Variants in MCM6 observed in about 807,000 individuals in gnomAD.
MCM6 encodes minichromosome maintenance complex component 6, also known as DNA replication licensing factor MCM6.
Under a neutral mutation model 94.3 loss-of-function variants are expected in MCM6, and 46 were observed. The ratio of observed to expected loss-of-function variants is 0.49; its 90% CI spans 0.39 to 0.62. The LOEUF (loss-of-function observed/expected upper bound fraction) is 0.62. MCM6 is among the 20% of genes least tolerant of loss of function. The pLI is 0.00. For missense variants in MCM6, 865 were observed against 1,017.9 expected (o/e 0.85, Z 2.04); for synonymous variants, 335 against 351.9 (o/e 0.95, Z 0.54).
At chr2:135,852,969 C>A in intron 11 of MCM6, 54 bp from the exon 12 acceptor site, 1 of 1,471,986 alleles carries the variant, frequency 6.8e-7, no homozygotes, top group South Asian at 1.3e-5. Context: ...CTTCTCCAGA[C>A]TATCCCAGGC....
intron 16 of MCM6, among the ~76,000 whole-genome samples, chr2:135,842,162 TCA>T (rs1679584956): frequency 6.6e-6 from 1 of 152,108 alleles, no homozygotes; most frequent in Non-Finnish European, 1.5e-5. Flanking sequence ...TCAGTTAGCT[TCA>T]CAGTGTGTTC....
rs1679541775 is a variant in MCM6, at chr2:135,840,131, A to G, written c.*704T>C. The stretch of plus-strand genomic sequence containing the variant: ...CTATTTCCCCTAAAAAAGCAATTTG[A>G]AAACAATCCTGAGAAATTACCCTTA... On this transcript the variant is annotated 3_prime_UTR_variant, in exon 17 of 17. Transcript: ENST00000264156. 6.6e-6 allele frequency: 1 copy of G among 152,158 alleles called. No individual in the cohort carries two copies. Among genetic ancestry groups the G allele is most frequent in the Non-Finnish European group, 1.5e-5 (1 of 68,042 alleles). 9.4% of individuals were successfully genotyped at this position (152,158 alleles called of 1,614,324 possible). A position where few individuals can be genotyped will look rare whatever the true frequency, so the allele number is the denominator to read the frequency against.
chr2:135,860,282 G>A (rs910861963), intron 8 of MCM6, among the ~76,000 whole-genome samples: 12 of 151,428 alleles, frequency 7.9e-5, no homozygotes, highest in Admixed American at 6.6e-4. Context: ...ACAGGCGCTC[G>A]CCACCACACC....
chr2:135,868,954 T>C, intron 3 of MCM6, 94 bp from the exon 4 acceptor site: 4 of 1,288,806 alleles, frequency 3.1e-6, no homozygotes, highest in Non-Finnish European at 4.3e-6. Flanking sequence ...TAATTTATGT[T>C]TAAAAAAAAA....
intron 8 of MCM6, among the ~76,000 whole-genome samples, chr2:135,859,759 C>CTAT (rs1553438610): frequency 6.6e-6 from 1 of 151,536 alleles, no homozygotes; most frequent in Non-Finnish European, 1.5e-5. Flanking sequence ...TGGGCCATCA[C>CTAT]GCCTGGCTAA....
chr2:135,871,833 C>T (rs892369465), intron 2 of MCM6, among the ~76,000 whole-genome samples: 1 of 152,204 alleles, frequency 6.6e-6, no homozygotes, highest in Admixed American at 6.5e-5. Context: ...TCCTGGAACT[C>T]TGTTGTAGCA....
At position 135,840,571 on chromosome 2, in the gene MCM6, A is replaced by C; in HGVS notation, c.*264T>G. On this transcript the variant is annotated 3_prime_UTR_variant, in exon 17 of 17. Coordinates refer to ENST00000264156, the MANE Select transcript of MCM6 (RefSeq NM_005915.6). ...TTTTCTTACACATGAAAACAAAGGT[A>C]TTGGTTATAGAGACTACACATTATT... The C allele has an allele frequency of 3.0e-6, 1 of 329,016 alleles. No individual in the cohort carries two copies. Among genetic ancestry groups the C allele is most frequent in the Non-Finnish European group, 5.6e-6 (1 of 178,794 alleles). The allele number at this position is 329,016 out of a possible 1,614,324, so 20.4% of individuals were successfully genotyped here. A position where few individuals can be genotyped will look rare whatever the true frequency, so the allele number is the denominator to read the frequency against.
intron 2 of MCM6, 117 bp downstream of exon 2, chr2:135,872,580 G>T: frequency 1.8e-6 from 2 of 1,085,628 alleles, no homozygotes; most frequent in Non-Finnish European, 2.7e-6. Flanking sequence ...CTTCTCAGTG[G>T]GAAATAACTG....
intron 2 of MCM6, among the ~76,000 whole-genome samples, chr2:135,871,560 C>T (rs1680201828): frequency 6.6e-6 from 1 of 152,176 alleles, no homozygotes; most frequent in African/African-American, 2.4e-5. Flanking sequence ...TATAGACTGT[C>T]ACATTTATTT....
chr2:135,856,765 A>G lies in MCM6; in HGVS notation c.1589T>C (p.Phe530Ser). Residue 530 changes from phenylalanine (F) to serine (S), a missense_variant, in exon 11 of 17, where the codon TTC (phenylalanine) becomes TCC (serine). This residue lies in a region of MCM6 where 153 missense variants were observed against 241.5 expected (regional missense o/e 0.63). Coordinates refer to ENST00000264156, the MANE Select transcript of MCM6 (RefSeq NM_005915.6). ...INLSAPIMSR[F>S]DLFFILVDEC... is the part of the protein sequence containing the mutation. ...ATCCACAAGGATAAAGAAGAGATCG[A>G]ATCGGGACATGATGGGAGCTGACAA... 1 of 1,614,240 alleles carries G rather than the reference A, an allele frequency of 6.2e-7. No homozygotes were observed. Among genetic ancestry groups the G allele is most frequent in the Non-Finnish European group, 8.5e-7 (1 of 1,180,038 alleles).
intron 13 of MCM6, among the ~76,000 whole-genome samples, chr2:135,849,390 T>C (rs763199600): frequency 2.0e-5 from 3 of 152,128 alleles, no homozygotes; most frequent in East Asian, 1.9e-4. Flanking sequence ...CAAAAAAAAA[T>C]TGTTTTATGC....
chr2:135,875,912 G>A (rs1272701545), intron 1 of MCM6, among the ~76,000 whole-genome samples: 2 of 152,224 alleles, frequency 1.3e-5, no homozygotes, highest in South Asian at 2.1e-4. Context: ...CGCACCCAGC[G>A]GCCCAGTTAC....
chr2:135,871,979 A>C (rs1680209421), intron 2 of MCM6, among the ~76,000 whole-genome samples: 1 of 152,234 alleles, frequency 6.6e-6, no homozygotes, highest in Non-Finnish European at 1.5e-5. Flanking sequence ...CAAGAAGTAC[A>C]ACAACGTCAA....
chr2:135,863,960 AAT>A (rs1344212981), intron 7 of MCM6, among the ~76,000 whole-genome samples: 2 of 152,028 alleles, frequency 1.3e-5, no homozygotes, highest in Non-Finnish European at 2.9e-5. Flanking sequence ...AAAATACAAA[AAT>A]TAGCTGAGTG....
intron 1 of MCM6, 67 bp from the exon 2 acceptor site, chr2:135,872,910 AGAACATT>A: frequency 6.4e-7 from 1 of 1,570,144 alleles, no homozygotes; most frequent in Non-Finnish European, 8.7e-7. Context: ...ATGATAATTC[AGAACATT>A]GGTTAAAGTC....
Position 135,844,564 on chromosome 2 carries a change from A to G in MCM6, c.2330T>C (p.Ile777Thr). ...INKKRIIEKVIHRLTHYDHVL... is the reference protein window; with the variant it reads ...INKKRIIEKVTHRLTHYDHVL... ...ACCTACATAGTGTGTGAGTCGATGA[A>G]TAACTTTCTCTATGATTCTTTTTTT... The change falls in exon 16 of 17, where the codon ATT (isoleucine) becomes ACT (threonine). Residue 777 changes from isoleucine to threonine, a missense_variant. Around this residue, in one of 3 missense-constraint regions of MCM6, gnomAD observed 308 missense variants for 324.5 expected, o/e 0.95. Transcript: ENST00000264156. The G allele has an allele frequency of 6.4e-7, 1 of 1,574,414 alleles. No homozygotes were observed. Among genetic ancestry groups the G allele is most frequent in the South Asian group, 1.2e-5 (1 of 82,048 alleles).
At chr2:135,867,810 A>C (rs976452384) in intron 4 of MCM6, among the ~76,000 whole-genome samples, 6 of 152,066 alleles carry the variant, frequency 3.9e-5, no homozygotes, top group African/African-American at 1.2e-4. Flanking sequence ...GCGGATCACG[A>C]AGTCAGGAGA....
intron 2 of MCM6, among the ~76,000 whole-genome samples, chr2:135,872,325 G>C (rs1262283028): frequency 6.6e-6 from 1 of 152,040 alleles, no homozygotes; most frequent in Non-Finnish European, 1.5e-5. Flanking sequence ...GTGGGCGCCT[G>C]TAATCCCAGC....
chr2:135,846,217 C>A lies in MCM6; in HGVS notation c.2209+20G>T, dbSNP rs778181261. ...TTACAGAAGTGACCGAGCATGTAAGCAGTACCAGGTAAGCCTCACCTTCTT... is the reference window on the plus strand; with the variant it reads ...TTACAGAAGTGACCGAGCATGTAAGAAGTACCAGGTAAGCCTCACCTTCTT... On this transcript the variant is annotated intron_variant, in intron 15 of 16. Transcript: ENST00000264156. 3 of 1,612,474 alleles carry A rather than the reference C, an allele frequency of 1.9e-6. No homozygotes were observed. The highest frequency in any genetic ancestry group is 1.1e-5 in the South Asian group (1 of 90,966).
Sources: gnomAD v4.1 joint callset for allele counts (sites outside exome capture counted in the v4.1 genomes callset) on GRCh38, gnomAD v4.1.1 for gene constraint, gnomAD v4.1.1 regional missense constraint, MANE v1.5 for transcripts, NCBI Gene and HGNC (gene_info 2026-07-23, HGNC 2026-07-21) for gene names.